ANO10: variants seen among roughly 807,000 people sequenced by gnomAD.
ANO10 encodes anoctamin 10.
Under a neutral mutation model 74.7 loss-of-function variants are expected in ANO10, and 77 were observed. The observed-to-expected ratio is 1.03, with a 90% CI of 0.86 to 1.25. ANO10 has a LOEUF of 1.25. Among genes scored for constraint, ANO10 ranks in the 50% most tolerant of loss-of-function variants. ANO10 has a pLI of 0.00. For missense variants in ANO10, 721 were observed against 778.1 expected, an observed-to-expected ratio of 0.93 and a Z score of 0.87; for synonymous variants, 279 against 284.9, an observed-to-expected ratio of 0.98 and a Z score of 0.21.
intron 11 of ANO10, among the ~76,000 whole-genome samples, chr3:43,508,958 G>GA (rs1553693889): frequency 1.2e-4 from 3 of 25,992 alleles, no homozygotes; most frequent in South Asian, 1.3e-3. Flanking sequence ...AAAAAAAAAA[G>GA]AAAAGAAAAA....
intron 2 of ANO10, among the ~76,000 whole-genome samples, chr3:43,603,420 T>G (rs543163809): frequency 7.0e-4 from 106 of 152,080 alleles, no homozygotes; most frequent in Non-Finnish European, 1.2e-3. Context: ...CTTGGAGGCT[T>G]GTCTCAATAT....
chr3:43,478,686 T>C (rs1022868940), intron 11 of ANO10, among the ~76,000 whole-genome samples: 1 of 152,222 alleles, frequency 6.6e-6, no homozygotes, highest in Non-Finnish European at 1.5e-5. Flanking sequence ...CTCACTCCTA[T>C]GTAGTATTCA....
chr3:43,470,626 T>TTATTTATTTATG (rs1445757676), intron 11 of ANO10, among the ~76,000 whole-genome samples: 4 of 135,868 alleles, frequency 2.9e-5, no homozygotes, highest in African/African-American at 1.1e-4. Flanking sequence ...ATTTATTTAT[T>TTATTTATTTATG]TATGTATTTA....
intron 11 of ANO10, among the ~76,000 whole-genome samples, chr3:43,525,268 T>C (rs540570818): frequency 1.3e-5 from 2 of 152,230 alleles, no homozygotes; most frequent in African/African-American, 4.8e-5. Context: ...GGGCAGGCTA[T>C]CCTCTCTGCC....
chr3:43,482,781 CA>C (rs956566730), intron 11 of ANO10, among the ~76,000 whole-genome samples: 6 of 152,182 alleles, frequency 3.9e-5, no homozygotes, highest in Admixed American at 2.6e-4. Flanking sequence ...GAGGCAATTT[CA>C]AACCTTGCAA....
intron 12 of ANO10, among the ~76,000 whole-genome samples, chr3:43,374,075 C>T (rs755600541): frequency 3.3e-5 from 5 of 152,192 alleles, no homozygotes; most frequent in Admixed American, 6.5e-5. Context: ...ATGGAGTGGA[C>T]GCACCCATCT....
chr3:43,400,329 A>G (rs1192283048), intron 12 of ANO10, among the ~76,000 whole-genome samples: 2 of 151,858 alleles, frequency 1.3e-5, no homozygotes, highest in African/African-American at 4.8e-5. Flanking sequence ...TCCCAGAGAT[A>G]GAATGCAGAA....
chr3:43,643,491 G>A (rs1441425741), intron 1 of ANO10, among the ~76,000 whole-genome samples: 1 of 151,820 alleles, frequency 6.6e-6, no homozygotes, highest in African/African-American at 2.4e-5. Flanking sequence ...TTTGGATCCA[G>A]AAGAATTCTA....
At chr3:43,586,150 G>A (rs1167118567) in intron 4 of ANO10, among the ~76,000 whole-genome samples, 5 of 152,122 alleles carry the variant, frequency 3.3e-5, no homozygotes, top group African/African-American at 1.2e-4. Context: ...AGGCAATGAG[G>A]GTGCGTGACA....
chr3:43,488,090 T>C (rs1382421727), intron 11 of ANO10, among the ~76,000 whole-genome samples: 5 of 151,880 alleles, frequency 3.3e-5, no homozygotes, highest in East Asian at 1.9e-4. Context: ...ATTTAATAAA[T>C]GGTGCTGGGA....
chr3:43,546,655 AAC>A (rs1430837448), intron 11 of ANO10, among the ~76,000 whole-genome samples: 2 of 152,126 alleles, frequency 1.3e-5, no homozygotes, highest in Non-Finnish European at 2.9e-5. Context: ...TAAAAAAAAA[AAC>A]ACACCTCAGT....
intron 11 of ANO10, among the ~76,000 whole-genome samples, chr3:43,465,191 T>G (rs1412679853): frequency 2.6e-5 from 4 of 152,200 alleles, no homozygotes. Context: ...AAAAGCAATT[T>G]TCTTCCTGTC....
chr3:43,601,017 A>C (rs1469243029), intron 2 of ANO10, among the ~76,000 whole-genome samples: 1 of 152,204 alleles, frequency 6.6e-6, no homozygotes, highest in African/African-American at 2.4e-5. Flanking sequence ...GATTTTGTGA[A>C]TGTTAAATAC....
chr3:43,530,852 C>G (rs1559656075), intron 11 of ANO10, among the ~76,000 whole-genome samples: 1 of 152,102 alleles, frequency 6.6e-6, no homozygotes, highest in Non-Finnish European at 1.5e-5. Flanking sequence ...TGGAACCATC[C>G]TTTGCAGATA....
chr3:43,368,603 TA>T (rs754447743), intron 12 of ANO10, among the ~76,000 whole-genome samples: 1 of 152,140 alleles, frequency 6.6e-6, no homozygotes, highest in East Asian at 1.9e-4. Context: ...TCACCATAAA[TA>T]AAAACTGTAA....
In ANO10 at chr3:43,600,499, G is replaced by A. The variant is rs2082292711; in HGVS notation, c.222C>T (p.Ala74=). ...CCCCTAGTAACATTCTAATCTTGGA[G>A]GCACCAACAAGATATAAGTTCTGAT... ...LENQNLYLVG[A]SKIRMLLGAE... Residue 74 remains alanine (A), a synonymous_variant, in exon 3 of 13, where the codon GCC becomes GCT. Coordinates refer to ENST00000292246, the MANE Select transcript of ANO10 (RefSeq NM_018075.5). The A allele has an allele frequency of 6.2e-7, 1 of 1,613,952 alleles. No individual in the cohort carries two copies. Among genetic ancestry groups the A allele is most frequent in the Non-Finnish European group, 8.5e-7 (1 of 1,179,946 alleles).
chr3:43,646,254 A>G (rs1435673388), intron 1 of ANO10, among the ~76,000 whole-genome samples: 3 of 152,242 alleles, frequency 2.0e-5, no homozygotes, highest in African/African-American at 7.2e-5. Flanking sequence ...ATGTGAAAAC[A>G]AAAGATTCGA....
intron 11 of ANO10, among the ~76,000 whole-genome samples, chr3:43,443,313 C>A (rs1046951413): frequency 6.6e-6 from 1 of 152,136 alleles, no homozygotes; most frequent in African/African-American, 2.4e-5. Context: ...TCACAAAAAG[C>A]AGATTAACAG....
chr3:43,589,545 C>T (rs1218822894), intron 4 of ANO10, among the ~76,000 whole-genome samples: 1 of 151,952 alleles, frequency 6.6e-6, no homozygotes, highest in African/African-American at 2.4e-5. Flanking sequence ...ACCTGGGAGG[C>T]GGAGGTTGCA....
Sources: allele counts gnomAD v4.1 joint callset (sites outside exome capture counted in the v4.1 genomes callset), GRCh38; gene constraint gnomAD v4.1.1; transcripts MANE v1.5; gene names NCBI Gene and HGNC (gene_info 2026-07-23, HGNC 2026-07-21).